ZNF804B: variants seen among roughly 807,000 people sequenced by gnomAD.
ZNF804B encodes the protein zinc finger protein 804B, also known as zinc finger 804B.
Under a neutral mutation model 101.4 loss-of-function variants are expected in ZNF804B, and 80 were observed. That is an observed-to-expected ratio of 0.79 (90% CI 0.66 to 0.95). The LOEUF is 0.95. Ranked by LOEUF, ZNF804B falls within the 40% of genes least tolerant of loss-of-function variation. ZNF804B has a pLI of 0.00. For synonymous variants in ZNF804B, 622 were observed against 558.8 expected, an observed-to-expected ratio of 1.11 and a Z score of -1.59; for missense variants, 1,673 against 1,561.9, an observed-to-expected ratio of 1.07 and a Z score of -1.20.
chr7:88,854,219 G>C (rs1272896541), intron 1 of ZNF804B, among the ~76,000 whole-genome samples: 4 of 151,974 alleles, frequency 2.6e-5, no homozygotes, highest in Non-Finnish European at 5.9e-5. Context: ...TAAATAACTC[G>C]ATGATGAATT....
intron 1 of ZNF804B, among the ~76,000 whole-genome samples, chr7:88,961,209 C>T (rs1349606866): frequency 1.3e-5 from 2 of 150,912 alleles, no homozygotes; most frequent in Non-Finnish European, 3.0e-5. Flanking sequence ...TCTAAATAAA[C>T]AATAATTATG....
At chr7:89,008,371 G>A (rs911569936) in intron 1 of ZNF804B, among the ~76,000 whole-genome samples, 5 of 152,024 alleles carry the variant, frequency 3.3e-5, no homozygotes, top group African/African-American at 7.2e-5. Context: ...CAGTATGCTC[G>A]CCATTTCACT....
intron 2 of ZNF804B, among the ~76,000 whole-genome samples, chr7:89,298,220 A>G (rs866108981): frequency 0.011 from 767 of 69,606 alleles, no homozygotes; most frequent in Non-Finnish European, 0.016. Context: ...GTGTGTGTAT[A>G]TATATATATA....
At chr7:89,270,931 T>C (rs1385939162) in intron 2 of ZNF804B, among the ~76,000 whole-genome samples, 1 of 152,232 alleles carries the variant, frequency 6.6e-6, no homozygotes, top group Non-Finnish European at 1.5e-5. Context: ...CCTGAGACTT[T>C]GCTGAAGTTG....
chr7:88,991,237 T>G (rs189203107), intron 1 of ZNF804B, among the ~76,000 whole-genome samples: 1 of 152,278 alleles, frequency 6.6e-6, no homozygotes, highest in East Asian at 1.9e-4. Flanking sequence ...CATGATGCTT[T>G]TATGTATGTT....
At chr7:89,209,152 G>A (rs1788765028) in intron 1 of ZNF804B, among the ~76,000 whole-genome samples, 1 of 151,904 alleles carries the variant, frequency 6.6e-6, no homozygotes, top group Non-Finnish European at 1.5e-5. Context: ...TCAACAGTCT[G>A]GCATCCTGCC....
intron 1 of ZNF804B, among the ~76,000 whole-genome samples, chr7:88,845,048 C>T (rs888339099): frequency 1.3e-5 from 2 of 152,006 alleles, no homozygotes; most frequent in African/African-American, 4.8e-5. Context: ...CTTTCCAATC[C>T]CATGAAGATC....
intron 2 of ZNF804B, among the ~76,000 whole-genome samples, chr7:89,242,614 G>A (rs555681243): frequency 5.1e-4 from 77 of 150,828 alleles, no homozygotes; most frequent in African/African-American, 1.8e-3. Context: ...AAGCCTTTAG[G>A]TCATATTATA....
intron 1 of ZNF804B, among the ~76,000 whole-genome samples, chr7:88,943,314 T>G (rs979239988): frequency 6.6e-6 from 1 of 151,930 alleles, no homozygotes; most frequent in Non-Finnish European, 1.5e-5. Context: ...AGTAGTGGTA[T>G]GTAAACTACA....
chr7:88,951,021 G>T (rs1285708616), intron 1 of ZNF804B, among the ~76,000 whole-genome samples: 1 of 151,706 alleles, frequency 6.6e-6, no homozygotes, highest in Admixed American at 6.6e-5. Flanking sequence ...TGTTTTATGA[G>T]ATTGACAGTG....
At chr7:88,894,631 A>G (rs575517342) in intron 1 of ZNF804B, among the ~76,000 whole-genome samples, 1 of 152,340 alleles carries the variant, frequency 6.6e-6, no homozygotes, top group East Asian at 1.9e-4. Context: ...GTAAATGGAT[A>G]AACAAACTTT....
intron 1 of ZNF804B, among the ~76,000 whole-genome samples, chr7:89,054,091 T>C (rs958736983): frequency 7.2e-5 from 11 of 151,964 alleles, no homozygotes; most frequent in African/African-American, 2.7e-4. Context: ...AAATTTCATG[T>C]GGAATTCTAA....
intron 2 of ZNF804B, among the ~76,000 whole-genome samples, chr7:89,288,157 T>C (rs1430458138): frequency 6.6e-6 from 1 of 152,084 alleles, no homozygotes; most frequent in Non-Finnish European, 1.5e-5. Context: ...GAAAGTGTAG[T>C]AATTTACACA....
intron 1 of ZNF804B, among the ~76,000 whole-genome samples, chr7:88,912,462 C>T (rs1792563071): frequency 6.6e-6 from 1 of 152,032 alleles, no homozygotes; most frequent in Non-Finnish European, 1.5e-5. Context: ...TAATTTCTTT[C>T]TTGTATAATT....
chr7:88,824,063 A>G (rs149961985), intron 1 of ZNF804B, among the ~76,000 whole-genome samples: 2,372 of 152,268 alleles, frequency 0.016, 24 homozygotes, highest in Middle Eastern at 0.031. Context: ...TCTGGTCTCC[A>G]TGGTGCAGAG....
chr7:88,839,321 T>C (rs535949240), intron 1 of ZNF804B, among the ~76,000 whole-genome samples: 15 of 152,026 alleles, frequency 9.9e-5, no homozygotes, highest in Admixed American at 4.6e-4. Flanking sequence ...TATATACCTT[T>C]TTATATTTAG....
chr7:88,957,920 A>ATGTG (rs149699439), intron 1 of ZNF804B, among the ~76,000 whole-genome samples: 3,238 of 149,800 alleles, frequency 0.022, 67 homozygotes, highest in Non-Finnish European at 0.036. Context: ...GTGTGTGCAT[A>ATGTG]TGTGTGTGTG....
chr7:89,157,554 G>A (rs1178574480), intron 1 of ZNF804B, among the ~76,000 whole-genome samples: 2 of 152,040 alleles, frequency 1.3e-5, no homozygotes, highest in African/African-American at 4.8e-5. Flanking sequence ...TTCCAGTCCA[G>A]TGACTGCAAT....
intron 2 of ZNF804B, among the ~76,000 whole-genome samples, chr7:89,268,727 C>A (rs1443007783): frequency 1.3e-5 from 2 of 152,032 alleles, no homozygotes; most frequent in Non-Finnish European, 1.5e-5. Flanking sequence ...GTGTACCCAT[C>A]AGATCTGGGG....
Sources: allele counts gnomAD v4.1 joint callset (sites outside exome capture counted in the v4.1 genomes callset), GRCh38; gene constraint gnomAD v4.1.1; transcripts MANE v1.5; gene names NCBI Gene and HGNC (gene_info 2026-07-23, HGNC 2026-07-21).